Variants in APP observed in about 807,000 individuals in gnomAD.
The protein encoded by APP is amyloid-beta precursor protein.
Under a neutral mutation model 101.4 loss-of-function variants are expected in APP, and 31 were observed. That is an observed-to-expected ratio of 0.31 (90% CI 0.23 to 0.41). The LOEUF (loss-of-function observed/expected upper bound fraction) is 0.41, where lower values mean the gene tolerates loss of function less well. Ranked by LOEUF, APP falls within the 10% of genes least tolerant of loss-of-function variation. The pLI is 1.00. For missense variants in APP, 839 were observed against 1,003.7 expected, an observed-to-expected ratio of 0.84 and a Z score of 2.22; for synonymous variants, 366 against 364.4, an observed-to-expected ratio of 1.00 and a Z score of -0.05.
At chr21:26,160,584 A>G (rs1217544301) in intron 1 of APP, among the ~76,000 whole-genome samples, 2 of 152,168 alleles carry the variant, frequency 1.3e-5, no homozygotes, top group African/African-American at 2.4e-5. Flanking sequence ...AACAGAGGTA[A>G]TAGAATTCAA....
intron 1 of APP, among the ~76,000 whole-genome samples, chr21:26,133,264 A>G (rs2062830877): frequency 6.6e-6 from 1 of 152,190 alleles, no homozygotes; most frequent in South Asian, 2.1e-4. Context: ...AACATCTGAC[A>G]GTTCCTGAGT....
chr21:26,101,131 C>T (rs549192332), intron 2 of APP, among the ~76,000 whole-genome samples: 100 of 118,594 alleles, frequency 8.4e-4, no homozygotes, highest in African/African-American at 3.1e-3. Flanking sequence ...GATGGAGTCT[C>T]ACTCTGTCGC....
chr21:26,031,218 C>A (rs45457195), intron 5 of APP, among the ~76,000 whole-genome samples: 1 of 152,076 alleles, frequency 6.6e-6, no homozygotes, highest in Admixed American at 6.6e-5. Context: ...AGAACTACTA[C>A]ACAGCTATAG....
intron 1 of APP, among the ~76,000 whole-genome samples, chr21:26,156,120 C>T (rs1171329884): frequency 6.6e-6 from 1 of 151,958 alleles, no homozygotes; most frequent in African/African-American, 2.4e-5. Context: ...CACTTGTGGC[C>T]TTTTTGTTTT....
At chr21:26,074,486 T>C (rs1412956155) in intron 3 of APP, among the ~76,000 whole-genome samples, 1 of 152,250 alleles carries the variant, frequency 6.6e-6, no homozygotes, top group East Asian at 1.9e-4. Context: ...CCAGGCGTGG[T>C]GGCTCACGCC....
At chr21:25,935,839 CAAAAA>C (rs67114400) in intron 13 of APP, among the ~76,000 whole-genome samples, 2 of 77,040 alleles carry the variant, frequency 2.6e-5, no homozygotes, top group African/African-American at 1.1e-4. Context: ...GACTCTGTCT[CAAAAA>C]AAAAAAAAAA....
chr21:26,107,074 T>C (rs2062199119), intron 2 of APP, among the ~76,000 whole-genome samples: 1 of 152,216 alleles, frequency 6.6e-6, no homozygotes, highest in African/African-American at 2.4e-5. Flanking sequence ...TATCTGATTC[T>C]ACAGCATGTT....
At chr21:26,000,842 T>C (rs971489085) in intron 6 of APP, among the ~76,000 whole-genome samples, 1 of 151,510 alleles carries the variant, frequency 6.6e-6, no homozygotes, top group Non-Finnish European at 1.5e-5. Flanking sequence ...ATTTTATTTG[T>C]ATATTAAAAT....
intron 1 of APP, among the ~76,000 whole-genome samples, chr21:26,126,521 TA>T (rs1354985469): frequency 6.6e-6 from 1 of 152,156 alleles, no homozygotes; most frequent in African/African-American, 2.4e-5. Flanking sequence ...GTAAGCTTGT[TA>T]ACTACATGGG....
chr21:25,905,237 A>T lies in APP; in HGVS notation c.1910-160T>A, dbSNP rs7278851. ...GAACCACAGTGAGTTAATCCCGAGC[A>T]TCGAGGACCAGGAGGGGCACCACTT... On this transcript the variant is annotated intron_variant, in intron 14 of 17. Coordinates refer to ENST00000346798, the MANE Select transcript of APP (RefSeq NM_000484.4). 0.02 allele frequency among the ~76,000 whole-genome samples: 2,984 copies of T among 152,322 alleles called. 110 individuals carry two copies. The highest frequency in any genetic ancestry group is 0.068 in the African/African-American group (2,824 of 41,564).
At chr21:25,896,237 G>A (rs1370142587) in intron 16 of APP, among the ~76,000 whole-genome samples, 2 of 151,816 alleles carry the variant, frequency 1.3e-5, no homozygotes, top group African/African-American at 4.8e-5. Flanking sequence ...TACAAAAAAA[G>A]AACTATGGGA....
chr21:25,994,646 G>A (rs571909154), intron 8 of APP, among the ~76,000 whole-genome samples: 1 of 152,268 alleles, frequency 6.6e-6, no homozygotes, highest in Non-Finnish European at 1.5e-5. Flanking sequence ...TGAGCAACCT[G>A]TAAAACCAAC....
At chr21:25,967,465 C>A (rs1351576338) in intron 11 of APP, among the ~76,000 whole-genome samples, 3 of 152,158 alleles carry the variant, frequency 2.0e-5, no homozygotes, top group Admixed American at 6.5e-5. Context: ...TGTAAAAACA[C>A]CAAAAATCTC....
chr21:26,033,622 C>A (rs1168816432), intron 5 of APP, among the ~76,000 whole-genome samples: 1 of 152,146 alleles, frequency 6.6e-6, no homozygotes, highest in African/African-American at 2.4e-5. Flanking sequence ...GCTGAGGAGT[C>A]TGGACCATCA....
chr21:26,121,327 G>GT (rs2062565171), intron 1 of APP, among the ~76,000 whole-genome samples: 1 of 152,152 alleles, frequency 6.6e-6, no homozygotes, highest in Admixed American at 6.5e-5. Flanking sequence ...TACCTGCACA[G>GT]TTAGGATATT....
intron 11 of APP, among the ~76,000 whole-genome samples, chr21:25,974,143 AT>A (rs1369624501): frequency 6.6e-6 from 1 of 152,104 alleles, no homozygotes; most frequent in East Asian, 1.9e-4. Flanking sequence ...TGACTGACAA[AT>A]GCTTCCCCAC....
chr21:25,976,098 G>C, intron 9 of APP, 70 bp from the exon 10 acceptor site: 2 of 1,266,904 alleles, frequency 1.6e-6, no homozygotes, highest in Non-Finnish European at 2.3e-6. Flanking sequence ...TAATAGGATG[G>C]ATGATTATGT....
intron 5 of APP, among the ~76,000 whole-genome samples, chr21:26,041,335 G>C (rs923938415): frequency 9.9e-5 from 15 of 152,178 alleles, no homozygotes; most frequent in African/African-American, 3.4e-4. Flanking sequence ...CAAATATCCA[G>C]ATGGTTTCAA....
intron 5 of APP, among the ~76,000 whole-genome samples, chr21:26,035,517 A>C (rs542624249): frequency 3.1e-4 from 47 of 152,288 alleles, no homozygotes; most frequent in South Asian, 1.4e-3. Context: ...TAGGAGGTCA[A>C]ACCTGACACC....
Sources: allele counts gnomAD v4.1 joint callset (sites outside exome capture counted in the v4.1 genomes callset), GRCh38; gene constraint gnomAD v4.1.1; transcripts MANE v1.5; gene names NCBI Gene and HGNC (gene_info 2026-07-23, HGNC 2026-07-21).